DYM: variants seen among roughly 807,000 people sequenced by gnomAD.
DYM encodes dyggve-Melchior-Clausen syndrome protein.
Under a neutral mutation model 93.1 loss-of-function variants are expected in DYM, and 78 were observed. The ratio of observed to expected loss-of-function variants is 0.84; its 90% confidence interval spans 0.70 to 1.01. The LOEUF (loss-of-function observed/expected upper bound fraction) is 1.01, where lower values mean the gene tolerates loss of function less well. Ranked by LOEUF, DYM falls within the 50% of genes least tolerant of loss-of-function variation. DYM has a pLI of 0.00. For missense variants in DYM, 789 were observed against 845.0 expected, an observed-to-expected ratio of 0.93 and a Z score of 0.82; for synonymous variants, 321 against 319.7, an observed-to-expected ratio of 1.00 and a Z score of -0.04.
At chr18:49,417,415 G>T (rs752673967) in intron 2 of DYM, among the ~76,000 whole-genome samples, 1 of 152,098 alleles carries the variant, frequency 6.6e-6, no homozygotes, top group African/African-American at 2.4e-5. Context: ...CTCTCAAAAT[G>T]CTGGGAATAC....
chr18:49,209,349 C>T (rs893513646), intron 14 of DYM, among the ~76,000 whole-genome samples: 23 of 152,080 alleles, frequency 1.5e-4, no homozygotes, highest in African/African-American at 5.1e-4. Context: ...TCCTCTCTCC[C>T]GTGAAACATA....
intron 13 of DYM, among the ~76,000 whole-genome samples, chr18:49,234,019 C>G (rs1039510953): frequency 6.6e-6 from 1 of 152,112 alleles, no homozygotes; most frequent in Non-Finnish European, 1.5e-5. Flanking sequence ...GTCCCAGCTA[C>G]TCGGGAGGCT....
chr18:49,051,139 G>A (rs1240237566), intron 17 of DYM, among the ~76,000 whole-genome samples: 1 of 152,204 alleles, frequency 6.6e-6, no homozygotes, highest in African/African-American at 2.4e-5. Context: ...TGTGCCCTTA[G>A]AATGTCTGTG....
intron 8 of DYM, chr18:49,329,744 T>A (rs908386939): frequency 6.6e-6 from 1 of 152,194 alleles, no homozygotes; most frequent in Admixed American, 6.5e-5. Flanking sequence ...ACACATACAA[T>A]GCACACACTG....
intron 17 of DYM, among the ~76,000 whole-genome samples, chr18:49,091,161 C>G (rs1033226626): frequency 1.3e-5 from 2 of 152,156 alleles, no homozygotes; most frequent in Non-Finnish European, 2.9e-5. Flanking sequence ...CATTTCCTCC[C>G]TCCCTCCCAT....
chr18:49,146,443 A>G (rs1277961459), intron 15 of DYM, among the ~76,000 whole-genome samples: 2 of 152,214 alleles, frequency 1.3e-5, no homozygotes, highest in East Asian at 3.9e-4. Flanking sequence ...TATCTAGAAA[A>G]CCCCATTGTC....
chr18:49,399,594 C>T (rs2070526155), intron 2 of DYM, among the ~76,000 whole-genome samples: 2 of 152,154 alleles, frequency 1.3e-5, no homozygotes, highest in Non-Finnish European at 2.9e-5. Flanking sequence ...CTTCTTTGAT[C>T]AGGTCTCACC....
intron 1 of DYM, among the ~76,000 whole-genome samples, chr18:49,455,375 TC>T (rs1347666383): frequency 6.6e-6 from 1 of 152,166 alleles, no homozygotes; most frequent in African/African-American, 2.4e-5. Flanking sequence ...CTAATTCTCA[TC>T]TTTTTACACC....
chr18:49,321,633 C>A (rs909741290), intron 8 of DYM, among the ~76,000 whole-genome samples: 2 of 152,072 alleles, frequency 1.3e-5, no homozygotes, highest in Non-Finnish European at 2.9e-5. Flanking sequence ...AAATATAGTT[C>A]TTTTGCATCA....
At position 49,258,399 on chromosome 18, in the gene DYM, T is replaced by C; in HGVS notation, c.1346A>G (p.Tyr449Cys). 1 of 1,609,886 alleles carries C rather than the reference T, an allele frequency of 6.2e-7. No individual in the cohort carries two copies. The highest frequency in any genetic ancestry group is 2.2e-5 in the East Asian group (1 of 44,832). Residue 449 changes from tyrosine to cysteine, a missense_variant, in exon 12 of 18, where the codon TAC becomes TGC. Physicochemically the swap from Tyr to Cys is radical, Grantham distance 194 (BLOSUM62 -2). Transcript: ENST00000675505. ...LILVVIRTIQ[Y>C]NMTRTRDKYL... ...ACTTACTCGTGTCCTAGTCATGTTG[T>C]ATTGAATGGTTCTTATTACCACCAG...
intron 15 of DYM, among the ~76,000 whole-genome samples, chr18:49,163,107 C>T (rs1298500222): frequency 6.6e-6 from 1 of 152,112 alleles, no homozygotes; most frequent in Non-Finnish European, 1.5e-5. Flanking sequence ...GTGTTATTAG[C>T]TTGAGTGGGT....
chr18:49,203,237 A>T (rs2092237891), intron 14 of DYM, among the ~76,000 whole-genome samples: 1 of 41,578 alleles, frequency 2.4e-5, no homozygotes, highest in Non-Finnish European at 6.6e-5. Flanking sequence ...GGGGGGGGTC[A>T]GCCCCCCCTG....
chr18:49,314,374 G>A (rs554302870), intron 8 of DYM, among the ~76,000 whole-genome samples: 1 of 152,108 alleles, frequency 6.6e-6, no homozygotes. Context: ...CACTGTTGAT[G>A]GTCTTCTGAC....
At chr18:49,390,985 T>A (rs568492876) in intron 3 of DYM, among the ~76,000 whole-genome samples, 2 of 152,214 alleles carry the variant, frequency 1.3e-5, no homozygotes, top group Non-Finnish European at 2.9e-5. Context: ...GTTAAGCATT[T>A]GAGAAACAAG....
intron 2 of DYM, among the ~76,000 whole-genome samples, chr18:49,423,175 A>C (rs2148369319): frequency 6.6e-6 from 1 of 152,340 alleles, no homozygotes; most frequent in East Asian, 1.9e-4. Context: ...GTAAAAGAAC[A>C]GAAATTATAA....
At chr18:49,290,239 T>C (rs939726395) in intron 8 of DYM, among the ~76,000 whole-genome samples, 1 of 151,816 alleles carries the variant, frequency 6.6e-6, no homozygotes, top group African/African-American at 2.4e-5. Flanking sequence ...GAATACAATA[T>C]AAGGATGTAG....
At chr18:49,172,890 T>C (rs1449806621) in intron 14 of DYM, among the ~76,000 whole-genome samples, 3 of 152,152 alleles carry the variant, frequency 2.0e-5, no homozygotes, top group African/African-American at 7.2e-5. Flanking sequence ...TGATTTCTTC[T>C]ATAGTTTTAC....
At chr18:49,061,475 C>T (rs1222484257) in intron 17 of DYM, among the ~76,000 whole-genome samples, 6 of 152,234 alleles carry the variant, frequency 3.9e-5, no homozygotes, top group Admixed American at 3.3e-4. Flanking sequence ...TCTGCTGAGA[C>T]TGAGCCTAGA....
intron 17 of DYM, among the ~76,000 whole-genome samples, chr18:49,076,157 C>G (rs2077287632): frequency 6.6e-6 from 1 of 152,016 alleles, no homozygotes. Context: ...GGGGAATAAT[C>G]TTTCTCTGTA....
Sources: gnomAD v4.1 joint callset for allele counts (sites outside exome capture counted in the v4.1 genomes callset) on GRCh38, gnomAD v4.1.1 for gene constraint, MANE v1.5 for transcripts, NCBI Gene and HGNC (gene_info 2026-07-23, HGNC 2026-07-21) for gene names.